The following BCOR variants were observed in gnomAD, a reference collection of about 807,000 sequenced individuals.
BCOR encodes BCL6 corepressor.
A neutral mutation model predicts 86.7 loss-of-function variants in BCOR; 10 were observed. The ratio of observed to expected loss-of-function variants is 0.12; its 90% CI spans 0.07 to 0.20. The LOEUF (loss-of-function observed/expected upper bound fraction) is 0.20, where lower values mean the gene tolerates loss of function less well. Among genes scored for constraint, BCOR ranks in the 10% least tolerant of loss-of-function variants. The probability of loss-of-function intolerance (pLI) is 1.00; values close to 1 mark genes in which losing one functional copy is unlikely to be tolerated. For missense variants in BCOR, 1,259 were observed against 1,452.1 expected (o/e 0.87, Z 2.16); for synonymous variants, 611 against 609.0 (o/e 1.00, Z -0.05).
intron 1 of BCOR, among the ~76,000 whole-genome samples, chrX:40,085,622 G>A (rs1296765640): frequency 7.2e-5 from 8 of 111,675 alleles, no homozygotes; most frequent in Non-Finnish European, 1.9e-5. Flanking sequence ...GAATGAAGTA[G>A]ATTTGCAGAT....
In BCOR at chrX:40,073,571, G is replaced by T. The variant is rs765667331; in HGVS notation, c.1775C>A (p.Pro592Gln). ...KTSRSSVETTPSVIQHVGQPP... is the reference protein window; with the variant it reads ...KTSRSSVETTQSVIQHVGQPP... ...CTGGCCCACGTGCTGAATAACGGAT[G>T]GTGTGGTTTCTACAGAGCTCCTGCT... The change falls in exon 4 of 15, where the codon CCA becomes CAA. Residue 592 changes from proline (P) to glutamine (Q), a missense_variant. Coordinates refer to ENST00000378444, the MANE Select transcript of BCOR (RefSeq NM_001123385.2). 1 of 1,212,292 alleles carries T rather than the reference G, an allele frequency of 8.2e-7. No individual in the cohort carries two copies. The highest frequency in any genetic ancestry group is 1.1e-6 in the Non-Finnish European group (1 of 895,640).
chrX:40,167,508 C>T (rs988752434), intron 1 of BCOR, among the ~76,000 whole-genome samples: 1 of 112,563 alleles, frequency 8.9e-6, no homozygotes, highest in Non-Finnish European at 1.9e-5. Flanking sequence ...TTCCTTATTC[C>T]CGCCCTGATT....
chrX:40,142,731 G>A (rs1937949459), intron 1 of BCOR, among the ~76,000 whole-genome samples: 1 of 111,748 alleles, frequency 8.9e-6, no homozygotes. Context: ...TCAGGTATGT[G>A]TGGGCTATGG....
upstream of BCOR, among the ~76,000 whole-genome samples, chrX:40,100,305 A>G (rs1270901815): frequency 8.9e-6 from 1 of 112,842 alleles, no homozygotes; most frequent in Non-Finnish European, 1.9e-5. Flanking sequence ...GGACGGGAGA[A>G]CTGGCCTGGG....
intron 1 of BCOR, among the ~76,000 whole-genome samples, chrX:40,112,814 G>A (rs1165386637): frequency 9.0e-6 from 1 of 111,262 alleles, no homozygotes; most frequent in Non-Finnish European, 1.9e-5. Context: ...TGGTGAGCAG[G>A]ACAAATGTCT....
chrX:40,126,004 G>C (rs1322923183), intron 1 of BCOR, among the ~76,000 whole-genome samples: 2 of 109,400 alleles, frequency 1.8e-5, no homozygotes, highest in African/African-American at 6.7e-5. Context: ...GAGGTCGAGA[G>C]ATTGAGACCA....
intron 1 of BCOR, among the ~76,000 whole-genome samples, chrX:40,155,856 G>C (rs1247716474): frequency 8.8e-6 from 1 of 113,013 alleles, no homozygotes; most frequent in Non-Finnish European, 1.9e-5. Flanking sequence ...GGGTGGGGAG[G>C]GGGGGCGCGC....
intron 1 of BCOR, among the ~76,000 whole-genome samples, chrX:40,087,133 G>A (rs969925461): frequency 7.1e-5 from 8 of 113,190 alleles, no homozygotes; most frequent in Non-Finnish European, 1.3e-4. Context: ...GGCCGGGGCC[G>A]GGACAGGGAG....
In BCOR at chrX:40,160,830, A is replaced by AT. The variant is rs776054747; in HGVS notation, c.-41+16176dup. Among the ~76,000 whole-genome samples the AT allele has an allele frequency of 8.8e-3, 811 of 92,332 alleles. 8 individuals are homozygous for AT. The highest frequency in any genetic ancestry group is 0.023 in the African/African-American group (568 of 25,237). The allele number at this position is 92,332 out of a possible 115,157, so 80.2% of individuals were successfully genotyped here. A position where few individuals can be genotyped will look rare whatever the true frequency, so the allele number is the denominator to read the frequency against. ...AGGCACACTCCGCCACGCCCGGCTA[A>AT]TTTTTTTTTTTTTTTTTGTATTTTA... On this transcript the variant is annotated intron_variant, in intron 1 of 14. Coordinates refer to the BCOR transcript ENST00000342274.
intron 11 of BCOR, among the ~76,000 whole-genome samples, chrX:40,056,848 A>G (rs1463298741): frequency 8.9e-6 from 1 of 112,110 alleles, no homozygotes; most frequent in Non-Finnish European, 1.9e-5. Context: ...CAGTGACTTC[A>G]TAGATGGTGA....
chrX:40,087,525 C>T (rs751006651), intron 1 of BCOR, among the ~76,000 whole-genome samples: 1 of 112,278 alleles, frequency 8.9e-6, no homozygotes, highest in East Asian at 2.8e-4. Flanking sequence ...GAAACATACC[C>T]TGTTTTACCC....
chrX:40,126,528 A>G (rs1602244840), intron 1 of BCOR, among the ~76,000 whole-genome samples: 1 of 104,303 alleles, frequency 9.6e-6, no homozygotes, highest in African/African-American at 3.8e-5. Context: ...CCGTCAAAAA[A>G]AAAAAAAAAG....
intron 1 of BCOR, among the ~76,000 whole-genome samples, chrX:40,124,117 C>A (rs1167877300): frequency 9.0e-6 from 1 of 110,773 alleles, no homozygotes; most frequent in Non-Finnish European, 1.9e-5. Flanking sequence ...TGGTGAACTA[C>A]GGACTTAAGC....
At chrX:40,133,123 TTTTTTTTC>T (rs1268108519) in intron 1 of BCOR, among the ~76,000 whole-genome samples, 74 of 110,745 alleles carry the variant, frequency 6.7e-4, no homozygotes, top group African/African-American at 2.2e-3. Context: ...CTTCAATTTC[TTTTTTTTC>T]TTTTTTTCTT....
At chrX:40,077,729 C>T (rs1337709803) in intron 2 of BCOR, 115 bp downstream of exon 2, 5 of 653,169 alleles carry the variant, frequency 7.7e-6, no homozygotes, top group South Asian at 2.4e-5. Context: ...GCCTACTAGG[C>T]GGGAAGCTCT....
At position 40,173,847 on chromosome X, in the gene BCOR, G is replaced by A. The variant is rs1270937448; in HGVS notation, c.-41+3160C>T. Among the ~76,000 whole-genome samples, 4 of 113,005 alleles carry A rather than the reference G, an allele frequency of 3.5e-5. No individual in the cohort carries two copies. The East Asian group carries it at 1.1e-3, about 31-fold the overall frequency. On this transcript the variant is annotated intron_variant, in intron 1 of 14. Transcript: ENST00000342274. Reference sequence around the variant, plus strand: ...GGCCAAAAGCCATGTCCTCTGGGATGTACTTTGGTCTAACACTGGTGCAGG... The same window carrying A: ...GGCCAAAAGCCATGTCCTCTGGGATATACTTTGGTCTAACACTGGTGCAGG...
At position 40,103,068 on chromosome X, in the gene BCOR, C is replaced by T. The variant is rs376509908; in HGVS notation, c.-40-25099G>A. Among the ~76,000 whole-genome samples, 8 of 107,523 alleles carry T rather than the reference C, an allele frequency of 7.4e-5. No individual in the cohort carries two copies. The East Asian group carries it at 2.3e-3, about 30-fold the overall frequency. The allele number at this position is 107,523 out of a possible 115,157, so 93.4% of individuals were successfully genotyped here. A position where few individuals can be genotyped will look rare whatever the true frequency, so the allele number is the denominator to read the frequency against. On this transcript the variant is annotated intron_variant, in intron 1 of 14. Transcript: ENST00000342274. ...CCTGCGTTCCCAGCGCGTTAGCAGC[C>T]GCGCAGCCCCCGGCCCTGAGTGCGG...
intron 1 of BCOR, among the ~76,000 whole-genome samples, chrX:40,082,783 G>A (rs781232186): frequency 1.7e-4 from 19 of 111,872 alleles, no homozygotes; most frequent in African/African-American, 6.2e-4. Context: ...GTTTTGCCTG[G>A]CAATAGCTGG....
intron 6 of BCOR, among the ~76,000 whole-genome samples, chrX:40,066,677 G>A (rs759872546): frequency 1.1e-3 from 120 of 111,872 alleles, no homozygotes; most frequent in African/African-American, 3.8e-3. Flanking sequence ...GGGGCTGGGG[G>A]TGCAATGTAA....
Sources: allele counts gnomAD v4.1 joint callset (sites outside exome capture counted in the v4.1 genomes callset), GRCh38; gene constraint gnomAD v4.1.1; transcripts MANE v1.5; gene names NCBI Gene and HGNC (gene_info 2026-07-23, HGNC 2026-07-21).